Variants in SLC39A14 observed in about 807,000 individuals in gnomAD.
SLC39A14 encodes metal cation symporter ZIP14.
SLC39A14 carries 19 observed loss-of-function variants against 45.5 expected under a neutral mutation model. The ratio of observed to expected loss-of-function variants is 0.42; its 90% CI spans 0.29 to 0.61. The LOEUF (loss-of-function observed/expected upper bound fraction) is 0.61. SLC39A14 is among the 20% of genes least tolerant of loss of function. SLC39A14 has a pLI of 0.22. For synonymous variants in SLC39A14, 264 were observed against 251.3 expected, an observed-to-expected ratio of 1.05 and a Z score of -0.48; for missense variants, 447 against 616.5, an observed-to-expected ratio of 0.73 and a Z score of 2.91.
At chr8:22,396,290 C>G (rs1439535982) in intron 1 of SLC39A14, among the ~76,000 whole-genome samples, 1 of 149,754 alleles carries the variant, frequency 6.7e-6, no homozygotes, top group Non-Finnish European at 1.5e-5. Flanking sequence ...TCGCTTGAAC[C>G]CGGGAGGCGG....
At chr8:22,405,903 C>T (rs1835182941) in intron 2 of SLC39A14, among the ~76,000 whole-genome samples, 1 of 152,204 alleles carries the variant, frequency 6.6e-6, no homozygotes, top group Non-Finnish European at 1.5e-5. Flanking sequence ...ACTTTGTTCC[C>T]TGTGCTGGTG....
chr8:22,376,209 G>A (rs748078575), intron 1 of SLC39A14, among the ~76,000 whole-genome samples: 4 of 151,932 alleles, frequency 2.6e-5, no homozygotes, highest in Non-Finnish European at 4.4e-5. Flanking sequence ...GTCTCACTCA[G>A]TGCACAGGCT....
At chr8:22,377,269 C>A (rs1318422254) in intron 1 of SLC39A14, among the ~76,000 whole-genome samples, 1 of 151,974 alleles carries the variant, frequency 6.6e-6, no homozygotes, top group Non-Finnish European at 1.5e-5. Context: ...TCTGGTAAGC[C>A]CCTGCCATTT....
At chr8:22,397,450 C>T (rs997392789) in intron 1 of SLC39A14, among the ~76,000 whole-genome samples, 1 of 152,074 alleles carries the variant, frequency 6.6e-6, no homozygotes. Context: ...TGGTGGTGGG[C>T]GCCTGTAGTC....
In SLC39A14 at chr8:22,380,265, C is replaced by G. The variant is rs536677065; in HGVS notation, c.-16+12857C>G. 3.9e-5 allele frequency among the ~76,000 whole-genome samples: 6 copies of G among 152,270 alleles called. No homozygotes were observed. In the South Asian group the frequency reaches 1.2e-3, roughly 32 times the overall value. On this transcript the variant is annotated intron_variant, in intron 1 of 8. Transcript: ENST00000381237. ...CAGAGAGCTCTGGTTGAGTGTGACA[C>G]TGTCCTGTAGGATGGGCAGGGGACA...
chr8:22,370,756 C>G (rs1473061129), intron 1 of SLC39A14, among the ~76,000 whole-genome samples: 1 of 152,190 alleles, frequency 6.6e-6, no homozygotes, highest in African/African-American at 2.4e-5. Flanking sequence ...GGAGGAGTCT[C>G]TTACTCTTTC....
Position 22,411,579 on chromosome 8 carries a change from C to G in SLC39A14, c.458-458C>G, listed in dbSNP as rs1835570158. 2.0e-5 allele frequency among the ~76,000 whole-genome samples: 3 copies of G among 152,220 alleles called. No individual in the cohort carries two copies. The South Asian group carries it at 6.2e-4, about 32-fold the overall frequency. On this transcript the variant is annotated intron_variant, in intron 3 of 8. Transcript: ENST00000381237. The stretch of plus-strand genomic sequence containing the variant: ...GCAAACGCAGCAGCAGAGTGATCAG[C>G]CTCTTTCCACCTGCTTGCATGTCCT...
At chr8:22,417,872 TA>T in intron 8 of SLC39A14, 37 bp downstream of exon 8, 1 of 1,567,736 alleles carries the variant, frequency 6.4e-7, no homozygotes, top group East Asian at 2.3e-5. Context: ...AGAGGGCGGC[TA>T]AGGGGATGGA....
At chr8:22,392,533 G>A (rs1834136943) in intron 1 of SLC39A14, among the ~76,000 whole-genome samples, 1 of 152,224 alleles carries the variant, frequency 6.6e-6, no homozygotes, top group Non-Finnish European at 1.5e-5. Context: ...TAAGCCACAT[G>A]CCCGGCCTCA....
At chr8:22,415,634 C>G (rs1159917093) in intron 5 of SLC39A14, 135 bp from the exon 6 acceptor site, 2 of 762,016 alleles carry the variant, frequency 2.6e-6, no homozygotes, top group Non-Finnish European at 4.1e-6. Context: ...TTTCTGGGCA[C>G]GTGACCTGCT....
chr8:22,421,536 A>C lies in SLC39A14; in HGVS notation c.*1838A>C, dbSNP rs1836228153. The C allele has an allele frequency of 5.1e-6, 5 of 985,400 alleles. No individual in the cohort carries two copies. In the South Asian group the frequency reaches 1.4e-4, roughly 28 times the overall value. The allele number at this position is 985,400 out of a possible 1,614,324, so 61.0% of individuals were successfully genotyped here. A position where few individuals can be genotyped will look rare whatever the true frequency, so the allele number is the denominator to read the frequency against. ...GTTTTACCAAAGAACCAATTCCTTG[A>C]ATGTTGGAATCTAACTTTTTATATT... On this transcript the variant is annotated 3_prime_UTR_variant, in exon 9 of 9. Coordinates refer to ENST00000381237, the MANE Select transcript of SLC39A14 (RefSeq NM_001128431.4).
chr8:22,387,646 G>C (rs147113095), intron 1 of SLC39A14, among the ~76,000 whole-genome samples: 296 of 152,298 alleles, frequency 1.9e-3, no homozygotes, highest in African/African-American at 6.4e-3. Context: ...TGTGTGAGCG[G>C]GTGTTGGATC....
In SLC39A14 at chr8:22,415,967, C is replaced by G. The variant is rs777438665; in HGVS notation, c.939+10C>G. ...CTCGCTCTCTGTGCAGGTCAGTGGG[C>G]CACCAGCTGCTTGGTGGAGCCTCTA... On this transcript the variant is annotated intron_variant, in intron 6 of 8. Coordinates refer to ENST00000381237, the MANE Select transcript of SLC39A14 (RefSeq NM_001128431.4). 2.0e-5 allele frequency: 32 copies of G among 1,599,580 alleles called. No individual in the cohort carries two copies. Among genetic ancestry groups the G allele is most frequent in the Middle Eastern group, 1.7e-4 (1 of 6,016 alleles).
chr8:22,369,360 C>G (rs1015745388), intron 1 of SLC39A14, among the ~76,000 whole-genome samples: 1 of 152,220 alleles, frequency 6.6e-6, no homozygotes, highest in African/African-American at 2.4e-5. Context: ...ACTCACTGAC[C>G]TGAGGACTTG....
At chr8:22,374,853 C>A (rs747928081) in intron 1 of SLC39A14, among the ~76,000 whole-genome samples, 4 of 149,650 alleles carry the variant, frequency 2.7e-5, no homozygotes, top group Non-Finnish European at 5.9e-5. Flanking sequence ...TCAAGCGATT[C>A]TCCCATCACA....
intron 3 of SLC39A14, among the ~76,000 whole-genome samples, chr8:22,411,562 A>G (rs1409060192): frequency 6.6e-6 from 1 of 152,236 alleles, no homozygotes; most frequent in Non-Finnish European, 1.5e-5. Context: ...AAGCAAACGC[A>G]GCAGCAGAGT....
rs146889899 is a variant in SLC39A14, at chr8:22,371,211, G to A, written c.-16+3803G>A. 2.2e-3 allele frequency among the ~76,000 whole-genome samples: 342 copies of A among 152,164 alleles called. 1 individual carries two copies. The Middle Eastern group carries it at 0.037, about 17-fold the overall frequency. The stretch of plus-strand genomic sequence containing the variant: ...AACCGAATTCTCCGCCTTGGCAACT[G>A]GAGATCGGACTGTTGTTAGAACTCC... On this transcript the variant is annotated intron_variant, in intron 1 of 8. Transcript: ENST00000381237.
Position 22,404,995 on chromosome 8 carries a change from T to A in SLC39A14, c.270+15T>A. The A allele has an allele frequency of 6.2e-7, 1 of 1,610,062 alleles. No individual in the cohort carries two copies. The highest frequency in any genetic ancestry group is 8.5e-7 in the Non-Finnish European group (1 of 1,177,750). On this transcript the variant is annotated intron_variant, in intron 2 of 8. Coordinates refer to ENST00000381237, the MANE Select transcript of SLC39A14 (RefSeq NM_001128431.4). Reference sequence around the variant, plus strand: ...ACCTCTCCACGGTAAGGCTCCCCTGTGAGCCAGCAGCTCTGCTCAGCCCCG... The same window carrying A: ...ACCTCTCCACGGTAAGGCTCCCCTGAGAGCCAGCAGCTCTGCTCAGCCCCG...
At chr8:22,432,645 ATTTTTTTT>A (rs35981745) in intron 8 of SLC39A14, among the ~76,000 whole-genome samples, 3 of 114,082 alleles carry the variant, frequency 2.6e-5, no homozygotes, top group Non-Finnish European at 3.6e-5. Flanking sequence ...TGCCCGGCTA[ATTTTTTTT>A]TTTTTTTTTT....
Sources: gnomAD v4.1 joint callset for allele counts (sites outside exome capture counted in the v4.1 genomes callset) on GRCh38, gnomAD v4.1.1 for gene constraint, MANE v1.5 for transcripts, NCBI Gene and HGNC (gene_info 2026-07-23, HGNC 2026-07-21) for gene names.